The following TSHZ2 variants were observed in gnomAD, a reference collection of about 807,000 sequenced individuals.
The protein encoded by TSHZ2 is teashirt zinc finger homeobox 2.
In TSHZ2, 21 loss-of-function variants were observed where a neutral mutation model predicts 74.4. The observed-to-expected ratio is 0.28, with a 90% CI of 0.20 to 0.41. The LOEUF is 0.41. Among genes scored for constraint, TSHZ2 ranks in the 10% least tolerant of loss-of-function variants. TSHZ2 has a pLI of 1.00. For synonymous variants in TSHZ2, 540 were observed against 515.3 expected (o/e 1.05, Z -0.65); for missense variants, 1,244 against 1,293.5 (o/e 0.96, Z 0.59).
At chr20:53,024,524 C>G (rs1983364664) in intron 1 of TSHZ2, among the ~76,000 whole-genome samples, 1 of 151,980 alleles carries the variant, frequency 6.6e-6, no homozygotes, top group African/African-American at 2.4e-5. Context: ...ACTTTAAGAT[C>G]TGCAGTACAT....
At chr20:53,260,258 C>T (rs1053421708) in intron 2 of TSHZ2, among the ~76,000 whole-genome samples, 1 of 152,170 alleles carries the variant, frequency 6.6e-6, no homozygotes, top group Non-Finnish European at 1.5e-5. Context: ...CATTATTTTG[C>T]TTTATTCTCA....
chr20:53,326,666 G>A (rs569365526), intron 2 of TSHZ2, among the ~76,000 whole-genome samples: 1 of 152,328 alleles, frequency 6.6e-6, no homozygotes, highest in South Asian at 2.1e-4. Context: ...CTGTTTGGTA[G>A]TGGAGATGTG....
chr20:53,288,588 A>T (rs948759069), intron 2 of TSHZ2, among the ~76,000 whole-genome samples: 1 of 152,158 alleles, frequency 6.6e-6, no homozygotes, highest in Non-Finnish European at 1.5e-5. Flanking sequence ...TTATTCATTC[A>T]ACATATTTTT....
chr20:53,256,063 G>C lies in TSHZ2; in HGVS notation c.2605G>C (p.Glu869Gln). The stretch of plus-strand genomic sequence containing the variant: ...TGCCTCGAGCCTCTTCCAGACATCA[G>C]AGGGCAAATACCTGCTGTCTGATCT... ...QFASSLFQTS[E>Q]GKYLLSDLGP... The change falls in exon 2 of 3, where the codon GAG (glutamate) becomes CAG (glutamine). Residue 869 changes from glutamate to glutamine, a missense_variant. Around this residue, in one of 6 missense-constraint regions of TSHZ2, gnomAD observed 185 missense variants for 213.3 expected, o/e 0.87. Transcript: ENST00000371497. The surrounding 1 kb of genome is among the most constrained non-coding windows in gnomAD (Gnocchi z 4.3). The C allele has an allele frequency of 6.2e-7, 1 of 1,614,022 alleles. No homozygotes were observed. Among genetic ancestry groups the C allele is most frequent in the South Asian group, 1.1e-5 (1 of 91,058 alleles).
At chr20:53,387,943 G>A (rs6022439) in intron 2 of TSHZ2, among the ~76,000 whole-genome samples, 1 of 151,986 alleles carries the variant, frequency 6.6e-6, no homozygotes, top group Non-Finnish European at 1.5e-5. Context: ...CAGCTACTCA[G>A]GAGGCTGAGA....
intron 2 of TSHZ2, among the ~76,000 whole-genome samples, chr20:53,270,192 T>G (rs1350262313): frequency 1.3e-5 from 2 of 152,022 alleles, no homozygotes; most frequent in African/African-American, 4.8e-5. Flanking sequence ...AGCTCTCTTC[T>G]GAGGACATCT....
intron 2 of TSHZ2, among the ~76,000 whole-genome samples, chr20:53,264,781 C>T (rs1990676230): frequency 6.6e-6 from 1 of 152,148 alleles, no homozygotes; most frequent in Non-Finnish European, 1.5e-5. Context: ...GGGTGCTCTA[C>T]AGGGAGCACT....
chr20:53,009,207 A>T (rs766382258), intron 1 of TSHZ2, among the ~76,000 whole-genome samples: 5 of 152,060 alleles, frequency 3.3e-5, no homozygotes, highest in Non-Finnish European at 5.9e-5. Flanking sequence ...GCATGGTGGC[A>T]TGTGCCTGTG....
intron 2 of TSHZ2, among the ~76,000 whole-genome samples, chr20:53,428,421 T>C (rs187350948): frequency 1.5e-3 from 224 of 152,342 alleles, no homozygotes; most frequent in Middle Eastern, 3.4e-3. Context: ...CATCCAGTCT[T>C]CCTTATCACA....
At chr20:53,287,462 T>C (rs538638165) in intron 2 of TSHZ2, among the ~76,000 whole-genome samples, 15 of 152,322 alleles carry the variant, frequency 9.8e-5, no homozygotes, top group African/African-American at 3.4e-4. Flanking sequence ...GTGATTGCAA[T>C]ACAAGTGCAG....
intron 1 of TSHZ2, among the ~76,000 whole-genome samples, chr20:53,158,273 G>A (rs1354637763): frequency 6.6e-6 from 1 of 152,180 alleles, no homozygotes; most frequent in Non-Finnish European, 1.5e-5. Context: ...GACTTCATAA[G>A]GACTTTGGAT....
chr20:53,436,311 CT>C (rs1415501398), intron 2 of TSHZ2, among the ~76,000 whole-genome samples: 3 of 151,994 alleles, frequency 2.0e-5, no homozygotes, highest in Non-Finnish European at 2.9e-5. Context: ...GCCTTCTTTT[CT>C]TTTATCTCCA....
chr20:53,001,226 G>GTGTGTGTATA (rs1555813612), intron 1 of TSHZ2, among the ~76,000 whole-genome samples: 2 of 146,720 alleles, frequency 1.4e-5, no homozygotes, highest in African/African-American at 5.0e-5. Context: ...GTGTGTGTGT[G>GTGTGTGTATA]TGTGTGTGTG....
At chr20:53,336,420 A>G (rs949823663) in intron 2 of TSHZ2, among the ~76,000 whole-genome samples, 3 of 152,242 alleles carry the variant, frequency 2.0e-5, no homozygotes, top group African/African-American at 4.8e-5. Flanking sequence ...GCTGCAGATT[A>G]TAAGATGTGT....
chr20:53,357,854 CT>C (rs1980902540), intron 2 of TSHZ2, among the ~76,000 whole-genome samples: 1 of 152,114 alleles, frequency 6.6e-6, no homozygotes, highest in Admixed American at 6.5e-5. Flanking sequence ...ACAAGGAGAC[CT>C]TCTGACTCTG....
chr20:53,185,933 C>T (rs1310657523), intron 1 of TSHZ2, among the ~76,000 whole-genome samples: 1 of 152,126 alleles, frequency 6.6e-6, no homozygotes, highest in Admixed American at 6.5e-5. Context: ...AACATTAGTC[C>T]AAGTCGAGGG....
At chr20:53,018,426 G>A (rs945902321) in intron 1 of TSHZ2, among the ~76,000 whole-genome samples, 1 of 152,194 alleles carries the variant, frequency 6.6e-6, no homozygotes. Flanking sequence ...CCTGGAAAGG[G>A]GGTCTGGGTT....
chr20:53,079,027 A>G (rs1445073102), intron 1 of TSHZ2, among the ~76,000 whole-genome samples: 1 of 152,218 alleles, frequency 6.6e-6, no homozygotes, highest in African/African-American at 2.4e-5. Flanking sequence ...AAGAAAGACT[A>G]AGCCCTGAGA....
chr20:53,178,328 A>G (rs562389209), intron 1 of TSHZ2: 2 of 152,322 alleles, frequency 1.3e-5, no homozygotes, highest in East Asian at 3.9e-4. Context: ...CCCCTGATGG[A>G]TCTGGAATTA....
Sources: gnomAD v4.1 joint callset for allele counts (sites outside exome capture counted in the v4.1 genomes callset) on GRCh38, gnomAD v4.1.1 for gene constraint, gnomAD v4.1.1 regional missense constraint, Gnocchi (gnomAD v3.1) non-coding constraint, MANE v1.5 for transcripts, NCBI Gene and HGNC (gene_info 2026-07-23, HGNC 2026-07-21) for gene names.